Variants in LPP observed in about 807,000 individuals in gnomAD.
LPP encodes the protein lipoma-preferred partner.
A neutral mutation model predicts 60.4 loss-of-function variants in LPP; 38 were observed. The observed-to-expected ratio is 0.63, with a 90% confidence interval of 0.49 to 0.83. LPP has a LOEUF of 0.83. LPP is among the 40% of genes least tolerant of loss of function. The probability of loss-of-function intolerance (pLI) is 0.00; values close to 1 mark genes in which losing one functional copy is unlikely to be tolerated. For synonymous variants in LPP, 328 were observed against 290.8 expected (o/e 1.13, Z -1.30); for missense variants, 902 against 783.6 (o/e 1.15, Z -1.80).
chr3:188,347,221 A>G (rs937084650), intron 3 of LPP, among the ~76,000 whole-genome samples: 1 of 152,198 alleles, frequency 6.6e-6, no homozygotes, highest in African/African-American at 2.4e-5. Flanking sequence ...TTCATAAACC[A>G]TGGAAATTTC....
intron 4 of LPP, among the ~76,000 whole-genome samples, chr3:188,409,870 A>G (rs1784492441): frequency 6.6e-6 from 1 of 152,186 alleles, no homozygotes; most frequent in Admixed American, 6.5e-5. Context: ...TAGAGAGTGT[A>G]AGTTATTTGT....
intron 6 of LPP, among the ~76,000 whole-genome samples, chr3:188,601,648 A>G (rs1486014942): frequency 6.6e-6 from 1 of 152,134 alleles, no homozygotes; most frequent in Non-Finnish European, 1.5e-5. Flanking sequence ...TTCCCTTTTG[A>G]ATTTCCAGAT....
intron 3 of LPP, among the ~76,000 whole-genome samples, chr3:188,347,335 T>G (rs1010187171): frequency 6.6e-6 from 1 of 152,236 alleles, no homozygotes; most frequent in African/African-American, 2.4e-5. Context: ...CATATCATAA[T>G]TCGTTAACTA....
At chr3:188,260,615 C>T (rs989825636) in intron 2 of LPP, among the ~76,000 whole-genome samples, 11 of 152,026 alleles carry the variant, frequency 7.2e-5, no homozygotes, top group Non-Finnish European at 1.5e-4. Context: ...GGCTGCATAA[C>T]GATTGAGCAC....
At position 188,874,598 on chromosome 3, in the gene LPP, T is replaced by G; in HGVS notation, c.*119T>G. 8.5e-7 allele frequency: 1 copy of G among 1,172,670 alleles called. No homozygotes were observed. 72.6% of individuals were successfully genotyped at this position (1,172,670 alleles called of 1,614,324 possible). A position where few individuals can be genotyped will look rare whatever the true frequency, so the allele number is the denominator to read the frequency against. On this transcript the variant is annotated 3_prime_UTR_variant, in exon 12 of 12. Coordinates refer to ENST00000617246, the MANE Select transcript of LPP (RefSeq NM_001375462.1). ...TCTGTTCTTCATCTGCTATTAACCTTGCCTTAGAAACACATAAATTATGAG... is the reference window on the plus strand; with the variant it reads ...TCTGTTCTTCATCTGCTATTAACCTGGCCTTAGAAACACATAAATTATGAG...
chr3:188,457,689 G>A (rs1300614720), intron 4 of LPP, among the ~76,000 whole-genome samples: 2 of 150,570 alleles, frequency 1.3e-5, no homozygotes, highest in Admixed American at 6.6e-5. Context: ...TCAGGAGATC[G>A]AGATCATCCT....
intron 9 of LPP, among the ~76,000 whole-genome samples, 153 bp downstream of exon 9, chr3:188,760,435 T>TGTGTGCGCGC (rs777127864): frequency 6.6e-6 from 1 of 151,080 alleles, no homozygotes; most frequent in African/African-American, 2.4e-5. Flanking sequence ...TGTGTGTGTG[T>TGTGTGCGCGC]GCGTGCGCGC....
At chr3:188,240,640 A>C (rs151029638) in intron 2 of LPP, among the ~76,000 whole-genome samples, 2 of 152,288 alleles carry the variant, frequency 1.3e-5, no homozygotes, top group East Asian at 3.9e-4. Context: ...TTTCATATAA[A>C]AAAGCGTAAT....
intron 9 of LPP, among the ~76,000 whole-genome samples, chr3:188,785,547 T>TATATATATAC (rs1206082559): frequency 0.022 from 959 of 43,834 alleles, 231 homozygotes; most frequent in African/African-American, 0.071. Flanking sequence ...TATATATATA[T>TATATATATAC]ACACACACAC....
At chr3:188,476,788 G>A (rs1803349426) in intron 4 of LPP, among the ~76,000 whole-genome samples, 1 of 152,130 alleles carries the variant, frequency 6.6e-6, no homozygotes, top group African/African-American at 2.4e-5. Flanking sequence ...AGGATATCTA[G>A]CATGATAACT....
chr3:188,723,445 A>G (rs1223297156), intron 8 of LPP, among the ~76,000 whole-genome samples: 2 of 152,168 alleles, frequency 1.3e-5, no homozygotes, highest in Non-Finnish European at 2.9e-5. Context: ...CAAACCATTC[A>G]GAAATGTACC....
At chr3:188,698,336 C>A (rs1863715041) in intron 7 of LPP, among the ~76,000 whole-genome samples, 1 of 152,028 alleles carries the variant, frequency 6.6e-6, no homozygotes, top group African/African-American at 2.4e-5. Context: ...GAAATAATGT[C>A]TTGGAATTCT....
chr3:188,658,011 G>A (rs983113453), intron 7 of LPP, among the ~76,000 whole-genome samples: 38 of 152,166 alleles, frequency 2.5e-4, no homozygotes, highest in African/African-American at 9.2e-4. Flanking sequence ...GACTGTGTTG[G>A]GATTACTTGA....
At chr3:188,730,346 T>G (rs1719989870) in intron 8 of LPP, among the ~76,000 whole-genome samples, 1 of 152,186 alleles carries the variant, frequency 6.6e-6, no homozygotes, top group Non-Finnish European at 1.5e-5. Context: ...AGCCACCAAG[T>G]GCCAGTGCCC....
At chr3:188,688,677 G>T (rs1361821962) in intron 7 of LPP, 1 of 427,884 alleles carries the variant, frequency 2.3e-6, no homozygotes. Context: ...TTTATGAAGG[G>T]CAACATCTAA....
chr3:188,506,112 G>A (rs755333087), intron 5 of LPP, among the ~76,000 whole-genome samples: 16 of 151,910 alleles, frequency 1.1e-4, no homozygotes, highest in Non-Finnish European at 1.9e-4. Flanking sequence ...TTACTCATAC[G>A]TGTCTGACAA....
rs112910020 is a variant in LPP at position 188,745,309 on chromosome 3, G to A, written c.1241-14804G>A. Among the ~76,000 whole-genome samples the A allele has an allele frequency of 7.9e-3, 1,202 of 152,168 alleles. 24 individuals carry two copies. Among genetic ancestry groups the A allele is most frequent in the African/African-American group, 0.027 (1,134 of 41,512 alleles). ...GCACTTGATATCTGTTTATTTTAAT[G>A]TTTATGCCCTACATTATCTATCACA... On this transcript the variant is annotated intron_variant, in intron 8 of 11. Coordinates refer to ENST00000617246, the MANE Select transcript of LPP (RefSeq NM_001375462.1).
At chr3:188,184,104 G>T (rs1725884012) in intron 1 of LPP, among the ~76,000 whole-genome samples, 1 of 152,208 alleles carries the variant, frequency 6.6e-6, no homozygotes, top group South Asian at 2.1e-4. Context: ...AGTGCCTCTG[G>T]GATTCTAATT....
chr3:188,715,080 T>C (rs1560105505), intron 8 of LPP, among the ~76,000 whole-genome samples: 1 of 152,078 alleles, frequency 6.6e-6, no homozygotes, highest in Non-Finnish European at 1.5e-5. Flanking sequence ...CTCTCAGTTC[T>C]AGTGATAGAT....
Sources: allele counts gnomAD v4.1 joint callset (sites outside exome capture counted in the v4.1 genomes callset), GRCh38; gene constraint gnomAD v4.1.1; transcripts MANE v1.5; gene names NCBI Gene and HGNC (gene_info 2026-07-23, HGNC 2026-07-21).